The following IL1RAPL2 variants were observed in gnomAD, a reference collection of about 807,000 sequenced individuals.
The protein encoded by IL1RAPL2 is X-linked interleukin-1 receptor accessory protein-like 2.
Under a neutral mutation model 44.1 loss-of-function variants are expected in IL1RAPL2, and 3 were observed. The ratio of observed to expected loss-of-function variants is 0.07; its 90% confidence interval spans 0.03 to 0.18. The LOEUF (loss-of-function observed/expected upper bound fraction) is 0.18, where lower values mean the gene tolerates loss of function less well. IL1RAPL2 is among the 10% of genes least tolerant of loss of function. IL1RAPL2 has a pLI of 1.00. For missense variants in IL1RAPL2, 391 were observed against 496.4 expected, an observed-to-expected ratio of 0.79 and a Z score of 2.02; for synonymous variants, 181 against 178.8, an observed-to-expected ratio of 1.01 and a Z score of -0.10.
At chrX:105,040,006 T>C (rs1302293476) in intron 2 of IL1RAPL2, among the ~76,000 whole-genome samples, 1 of 110,551 alleles carries the variant, frequency 9.0e-6, no homozygotes, top group African/African-American at 3.3e-5. Context: ...AGTATGATAT[T>C]GGCTGTGGGT....
chrX:104,638,866 A>G (rs1200906460), intron 1 of IL1RAPL2, among the ~76,000 whole-genome samples: 1 of 112,275 alleles, frequency 8.9e-6, no homozygotes. Context: ...GTAAATGTAT[A>G]TTAGGTCAAT....
intron 2 of IL1RAPL2, among the ~76,000 whole-genome samples, chrX:105,097,467 G>A (rs2032621101): frequency 9.0e-6 from 1 of 110,688 alleles, no homozygotes; most frequent in South Asian, 3.8e-4. Flanking sequence ...TTTCCAGGAG[G>A]GGAAGTACAG....
chrX:104,698,079 C>T (rs1931210907), intron 2 of IL1RAPL2, among the ~76,000 whole-genome samples: 1 of 112,456 alleles, frequency 8.9e-6, no homozygotes, highest in Non-Finnish European at 1.9e-5. Context: ...GCACCAGTTC[C>T]TTGACGGCTG....
intron 5 of IL1RAPL2, among the ~76,000 whole-genome samples, chrX:105,435,896 G>T (rs991275791): frequency 2.7e-5 from 3 of 110,976 alleles, no homozygotes; most frequent in Admixed American, 9.6e-5. Context: ...CTGTCAGAGT[G>T]GGGGCAAGGG....
intron 6 of IL1RAPL2, among the ~76,000 whole-genome samples, chrX:105,562,550 T>C (rs12845599): frequency 0.4 from 28,471 of 71,039 alleles, 3,028 homozygotes; most frequent in Middle Eastern, 0.48. Flanking sequence ...CACACACACA[T>C]ACACACACCA....
chrX:105,515,802 T>C (rs2036509036), intron 6 of IL1RAPL2, among the ~76,000 whole-genome samples: 1 of 112,007 alleles, frequency 8.9e-6, no homozygotes, highest in African/African-American at 3.2e-5. Flanking sequence ...GGAACAGCTA[T>C]GACCTGAATC....
intron 2 of IL1RAPL2, among the ~76,000 whole-genome samples, chrX:104,906,225 A>T (rs781688804): frequency 9.0e-6 from 1 of 111,589 alleles, no homozygotes; most frequent in Non-Finnish European, 1.9e-5. Context: ...GGGGTTTTGT[A>T]GATATACAAT....
At chrX:104,693,744 T>A (rs1413894367) in intron 2 of IL1RAPL2, among the ~76,000 whole-genome samples, 1 of 112,128 alleles carries the variant, frequency 8.9e-6, no homozygotes, top group Non-Finnish European at 1.9e-5. Flanking sequence ...TTGAAAATGT[T>A]AACTAAGCCA....
At chrX:105,591,116 C>T (rs2037167913) in intron 6 of IL1RAPL2, among the ~76,000 whole-genome samples, 1 of 109,823 alleles carries the variant, frequency 9.1e-6, no homozygotes, top group African/African-American at 3.3e-5. Context: ...TTCAGGGTTT[C>T]AATTTCTTCC....
intron 2 of IL1RAPL2, among the ~76,000 whole-genome samples, chrX:104,696,395 A>C (rs1931183701): frequency 8.9e-6 from 1 of 111,825 alleles, no homozygotes; most frequent in Non-Finnish European, 1.9e-5. Context: ...ATCACTTAGG[A>C]GCTTATTAGA....
intron 2 of IL1RAPL2, among the ~76,000 whole-genome samples, chrX:104,682,288 C>T (rs1448679713): frequency 8.9e-6 from 1 of 112,012 alleles, no homozygotes; most frequent in African/African-American, 3.2e-5. Flanking sequence ...ACAATTAGGA[C>T]AGAAATTTCA....
At chrX:105,024,557 A>C (rs1401707786) in intron 2 of IL1RAPL2, among the ~76,000 whole-genome samples, 1 of 111,606 alleles carries the variant, frequency 9.0e-6, no homozygotes, top group African/African-American at 3.2e-5. Flanking sequence ...ATGGTAACAA[A>C]GGTTGTGAAA....
chrX:104,962,784 T>A (rs1253540180), intron 2 of IL1RAPL2, among the ~76,000 whole-genome samples: 2 of 112,002 alleles, frequency 1.8e-5, no homozygotes, highest in African/African-American at 6.5e-5. Context: ...TCCAGGGTGA[T>A]TCTTCAATCT....
At chrX:104,912,462 G>A (rs1467844374) in intron 2 of IL1RAPL2, among the ~76,000 whole-genome samples, 1 of 111,061 alleles carries the variant, frequency 9.0e-6, no homozygotes, top group African/African-American at 3.3e-5. Flanking sequence ...TGGTGGACTA[G>A]TATAAGTATT....
At chrX:105,733,476 T>C (rs1406619650) in intron 7 of IL1RAPL2, among the ~76,000 whole-genome samples, 1 of 111,450 alleles carries the variant, frequency 9.0e-6, no homozygotes, top group Non-Finnish European at 1.9e-5. Flanking sequence ...TTTCTTCTAT[T>C]TCTGGTATTT....
intron 2 of IL1RAPL2, among the ~76,000 whole-genome samples, chrX:104,760,248 T>TATCCAA (rs1326155758): frequency 2.7e-5 from 3 of 111,936 alleles, no homozygotes; most frequent in African/African-American, 9.7e-5. Context: ...AACATGGAGG[T>TATCCAA]GTAGATACTT....
chrX:104,630,053 G>A (rs1302333810), intron 1 of IL1RAPL2, among the ~76,000 whole-genome samples: 5 of 110,244 alleles, frequency 4.5e-5, no homozygotes, highest in Non-Finnish European at 9.5e-5. Context: ...GTGTGATCTC[G>A]GCTCACTGCA....
intron 2 of IL1RAPL2, among the ~76,000 whole-genome samples, chrX:104,941,926 A>T (rs1246636290): frequency 8.9e-6 from 1 of 111,774 alleles, no homozygotes; most frequent in Non-Finnish European, 1.9e-5. Flanking sequence ...ATGGCTAGCC[A>T]GTTTTCCCAG....
chrX:105,124,538 C>G (rs60354628), intron 2 of IL1RAPL2, among the ~76,000 whole-genome samples: 7,163 of 109,680 alleles, frequency 0.065, 587 homozygotes, highest in African/African-American at 0.22. Context: ...TAAACTTCCT[C>G]CACTCAGGGT....
Sources: gnomAD v4.1 joint callset for allele counts (sites outside exome capture counted in the v4.1 genomes callset) on GRCh38, gnomAD v4.1.1 for gene constraint, MANE v1.5 for transcripts, NCBI Gene and HGNC (gene_info 2026-07-23, HGNC 2026-07-21) for gene names.